The following SCN2A variants were observed in gnomAD, a reference collection of about 807,000 sequenced individuals.
The protein encoded by SCN2A is sodium voltage-gated channel alpha subunit 2.
A neutral mutation model predicts 188.7 loss-of-function variants in SCN2A; 20 were observed. That is an observed-to-expected ratio of 0.11 (90% CI 0.07 to 0.15). SCN2A has a LOEUF of 0.15. SCN2A is among the 10% of genes least tolerant of loss of function. The pLI is 1.00. For synonymous variants in SCN2A, 804 were observed against 833.1 expected (o/e 0.97, Z 0.60); for missense variants, 1,278 against 2,445.0 (o/e 0.52, Z 10.07).
chr2:165,343,849 A>G (rs1374574266), intron 15 of SCN2A, among the ~76,000 whole-genome samples: 1 of 152,180 alleles, frequency 6.6e-6, no homozygotes, highest in African/African-American at 2.4e-5. Flanking sequence ...TGAATATAAT[A>G]TATGTTTAAA....
At chr2:165,266,879 C>T (rs1379079226) in intron 1 of SCN2A, 1 of 152,012 alleles carries the variant, frequency 6.6e-6, no homozygotes, top group Non-Finnish European at 1.5e-5. Context: ...TAAGAATCAA[C>T]TATTTGCAAG....
At chr2:165,350,826 C>T (rs796261760) in intron 16 of SCN2A, among the ~76,000 whole-genome samples, 16 of 152,010 alleles carry the variant, frequency 1.1e-4, no homozygotes, top group African/African-American at 3.4e-4. Context: ...AGCTGTTATG[C>T]GCATACCCTT....
chr2:165,366,652 T>G (rs1192032140), intron 18 of SCN2A, among the ~76,000 whole-genome samples: 1 of 142,378 alleles, frequency 7.0e-6, no homozygotes, highest in African/African-American at 2.7e-5. Context: ...AGACAGAGGC[T>G]GCAGTGCATG....
intron 1 of SCN2A, chr2:165,268,207 T>C (rs745468361): frequency 2.4e-4 from 36 of 151,858 alleles, no homozygotes; most frequent in Non-Finnish European, 4.4e-4. Flanking sequence ...ATCACCCAAA[T>C]ACCAAAATCA....
intron 1 of SCN2A, among the ~76,000 whole-genome samples, chr2:165,246,914 A>AATACCAT (rs1693871917): frequency 6.6e-6 from 1 of 152,054 alleles, no homozygotes; most frequent in Admixed American, 6.6e-5. Flanking sequence ...TCAAACCACC[A>AATACCAT]ATACCTCCTA....
Position 165,326,984 on chromosome 2 carries a change from G to A in SCN2A, c.2149G>A (p.Glu717Lys). The change falls in exon 13 of 27, where the codon GAA (glutamate) becomes AAA (lysine). Residue 717 changes from glutamate to lysine, a missense_variant and splice_region_variant. Physicochemically the swap from Glu to Lys is moderately conservative, Grantham distance 56 (BLOSUM62 1). Coordinates refer to ENST00000375437, the MANE Select transcript of SCN2A (RefSeq NM_001040142.2). ...IASILTNTME[E>K]LEESRQKCPP... ...CAGTATTTTGACCAACACCATGGAA[G>A]GTATGTTAAAAGTCCTGCGTCACAG... is the stretch of plus-strand genomic sequence containing the variant. 6.2e-7 allele frequency: 1 copy of A among 1,613,852 alleles called. No homozygotes were observed.
chr2:165,284,209 C>T (rs1695724283), intron 1 of SCN2A, among the ~76,000 whole-genome samples: 2 of 151,994 alleles, frequency 1.3e-5, no homozygotes, highest in South Asian at 4.2e-4. Flanking sequence ...CTGGCTCTGT[C>T]GCCCAGGTTG....
At chr2:165,246,058 A>G (rs911265466) in intron 1 of SCN2A, among the ~76,000 whole-genome samples, 6 of 152,130 alleles carry the variant, frequency 3.9e-5, no homozygotes, top group Non-Finnish European at 7.4e-5. Context: ...GCAAAAAAAA[A>G]CTGTTAGTAA....
At chr2:165,327,056 A>G (rs1414118275) in intron 13 of SCN2A, 72 bp downstream of exon 13, 17 of 1,549,126 alleles carry the variant, frequency 1.1e-5, no homozygotes, top group Admixed American at 3.3e-5. Flanking sequence ...ATAAATTTCA[A>G]TAAAATACTT....
intron 1 of SCN2A, among the ~76,000 whole-genome samples, chr2:165,292,792 A>G (rs1696289994): frequency 6.6e-6 from 1 of 152,132 alleles, no homozygotes; most frequent in South Asian, 2.1e-4. Context: ...GACTTTTCCT[A>G]ATCTCAGTGT....
At chr2:165,260,793 C>T (rs899968628) in intron 1 of SCN2A, among the ~76,000 whole-genome samples, 3 of 151,648 alleles carry the variant, frequency 2.0e-5, no homozygotes, top group African/African-American at 7.3e-5. Flanking sequence ...ATGAAGAAAC[C>T]CCCCTCTCTA....
chr2:165,376,564 T>G (rs1701324351), intron 22 of SCN2A, among the ~76,000 whole-genome samples: 1 of 152,028 alleles, frequency 6.6e-6, no homozygotes, highest in South Asian at 2.1e-4. Context: ...TCTAAAAACT[T>G]TATTGTCTCC....
chr2:165,305,653 A>T lies in SCN2A; in HGVS notation c.387-2195A>T, dbSNP rs186387802. ...TAAGGGGAGGAACCATCCTTGTTGA[A>T]TGCTGCTTAGAAAGCATGTCAAATA... is the stretch of plus-strand genomic sequence containing the variant. On this transcript the variant is annotated intron_variant, in intron 3 of 26. Coordinates refer to ENST00000375437, the MANE Select transcript of SCN2A (RefSeq NM_001040142.2). Among the ~76,000 whole-genome samples the T allele has an allele frequency of 3.7e-4, 56 of 152,326 alleles. No individual in the cohort carries two copies. In the East Asian group the frequency reaches 9.7e-3, roughly 26 times the overall value.
chr2:165,304,248 T>C (rs573529419), intron 3 of SCN2A, among the ~76,000 whole-genome samples: 1 of 151,986 alleles, frequency 6.6e-6, no homozygotes, highest in Non-Finnish European at 1.5e-5. Context: ...CAGGCATCCG[T>C]CACGCCTGGC....
In SCN2A at chr2:165,310,420, A is replaced by C. The variant is rs1238039638; in HGVS notation, c.795A>C (p.Ile265=). 3 of 1,613,574 alleles carry C rather than the reference A, an allele frequency of 1.9e-6. No individual in the cohort carries two copies. The Admixed American group carries it at 5.0e-5, about 27-fold the overall frequency. Residue 265 remains isoleucine, a synonymous_variant, in exon 7 of 27, where the codon ATA becomes ATC. Transcript: ENST00000375437. ...TCTGTCTAAGCGTGTTTGCGCTAAT[A>C]GGATTGCAGTTGTTCATGGGCAACC... ...TVFCLSVFAL[I]GLQLFMGNLR... is the part of the protein sequence containing the mutation.
At chr2:165,301,230 C>T (rs960920435) in intron 3 of SCN2A, among the ~76,000 whole-genome samples, 1 of 152,038 alleles carries the variant, frequency 6.6e-6, no homozygotes, top group Non-Finnish European at 1.5e-5. Context: ...TATTAGACAT[C>T]ATTGGAGGAG....
chr2:165,302,127 T>C (rs1696848514), intron 3 of SCN2A, among the ~76,000 whole-genome samples: 1 of 152,208 alleles, frequency 6.6e-6, no homozygotes, highest in African/African-American at 2.4e-5. Flanking sequence ...ATATAAAATA[T>C]CATGGTTTTC....
intron 1 of SCN2A, among the ~76,000 whole-genome samples, chr2:165,244,830 T>C (rs558998871): frequency 6.6e-6 from 1 of 152,198 alleles, no homozygotes; most frequent in Non-Finnish European, 1.5e-5. Context: ...TGTCTTGGTG[T>C]TATTAGCAAA....
chr2:165,315,608 A>G lies in SCN2A; in HGVS notation c.1521A>G (p.Lys507=). The change falls in exon 11 of 27, where the codon AAA becomes AAG. Residue 507 remains lysine (K), a synonymous_variant. Transcript: ENST00000375437. Reference sequence around the variant, plus strand: ...AAGAGCTGAAAAACAGAAGAAAGAAAAAGAAACAGAAAGAACAGTCTGGAG... The same window carrying G: ...AAGAGCTGAAAAACAGAAGAAAGAAGAAGAAACAGAAAGAACAGTCTGGAG... ...SEKELKNRRK[K]KKQKEQSGEE... 6.2e-7 allele frequency: 1 copy of G among 1,614,066 alleles called. No homozygotes were observed.
Sources: gnomAD v4.1 joint callset for allele counts (sites outside exome capture counted in the v4.1 genomes callset) on GRCh38, gnomAD v4.1.1 for gene constraint, MANE v1.5 for transcripts, NCBI Gene and HGNC (gene_info 2026-07-23, HGNC 2026-07-21) for gene names.